The following CA10 variants were observed in gnomAD, a reference collection of about 807,000 sequenced individuals.
CA10 encodes the protein carbonic anhydrase 10 (inactive), also known as carbonic anhydrase-related protein 10.
In CA10, 14 loss-of-function variants were observed where a neutral mutation model predicts 44.2. The ratio of observed to expected loss-of-function variants is 0.32; its 90% confidence interval spans 0.21 to 0.50. The LOEUF (loss-of-function observed/expected upper bound fraction) is 0.50, where lower values mean the gene tolerates loss of function less well. Among genes scored for constraint, CA10 ranks in the 20% least tolerant of loss-of-function variants. CA10 has a pLI of 0.99. For missense variants in CA10, 350 were observed against 409.7 expected, an observed-to-expected ratio of 0.85 and a Z score of 1.26; for synonymous variants, 159 against 141.6, an observed-to-expected ratio of 1.12 and a Z score of -0.87.
intron 1 of CA10, among the ~76,000 whole-genome samples, chr17:52,100,471 G>C (rs1988512296): frequency 6.6e-6 from 1 of 152,058 alleles, no homozygotes; most frequent in Non-Finnish European, 1.5e-5. Context: ...ACACCTAGTG[G>C]GACCCCACAA....
intron 2 of CA10, among the ~76,000 whole-genome samples, chr17:52,034,657 GCGTGACAC>G (rs1460216272): frequency 4.6e-5 from 7 of 152,180 alleles, no homozygotes; most frequent in Middle Eastern, 6.8e-3. Context: ...CTTCACCAGT[GCGTGACAC>G]CTTGGGAGAA....
intron 3 of CA10, among the ~76,000 whole-genome samples, chr17:51,830,196 AAAAAAAAAAAAAAAAAAAAAG>A (rs1239855772): frequency 9.1e-6 from 1 of 110,228 alleles, no homozygotes; most frequent in Non-Finnish European, 1.8e-5. Flanking sequence ...ACTCCATCTC[AAAAAAAAAAAAAAAAAAAAAG>A]AAAAAGAAAA....
At chr17:52,098,465 A>T (rs2143237872) in intron 1 of CA10, among the ~76,000 whole-genome samples, 1 of 152,314 alleles carries the variant, frequency 6.6e-6, no homozygotes, top group East Asian at 1.9e-4. Flanking sequence ...ACCAACACCA[A>T]CATAATTCTG....
intron 2 of CA10, among the ~76,000 whole-genome samples, chr17:52,006,034 C>T (rs1470411176): frequency 6.6e-6 from 1 of 151,804 alleles, no homozygotes; most frequent in African/African-American, 2.4e-5. Context: ...CAACTTTTAT[C>T]CCATGTAATT....
intron 4 of CA10, among the ~76,000 whole-genome samples, chr17:51,684,700 C>A (rs886405764): frequency 6.6e-6 from 1 of 152,150 alleles, no homozygotes; most frequent in Non-Finnish European, 1.5e-5. Flanking sequence ...TTGGAAACTT[C>A]TTTATGCCTA....
At chr17:52,059,216 A>G (rs1435998476) in intron 2 of CA10, among the ~76,000 whole-genome samples, 1 of 152,192 alleles carries the variant, frequency 6.6e-6, no homozygotes, top group African/African-American at 2.4e-5. Context: ...TGAAATCAAT[A>G]TTCTATTCCT....
chr17:51,811,338 G>A (rs1287859605), intron 3 of CA10, among the ~76,000 whole-genome samples: 3 of 152,056 alleles, frequency 2.0e-5, no homozygotes, highest in African/African-American at 4.8e-5. Context: ...TGTGCACAAC[G>A]TGCAGGTTTG....
At chr17:51,934,747 C>T (rs528740771) in intron 2 of CA10, among the ~76,000 whole-genome samples, 1 of 152,208 alleles carries the variant, frequency 6.6e-6, no homozygotes, top group South Asian at 2.1e-4. Context: ...CTGGGGTCAG[C>T]TGCACCGGGC....
At chr17:51,740,284 G>C (rs1369545729) in intron 4 of CA10, among the ~76,000 whole-genome samples, 1 of 152,118 alleles carries the variant, frequency 6.6e-6, no homozygotes, top group Non-Finnish European at 1.5e-5. Flanking sequence ...GGAAAGACAG[G>C]ATCCTCTACT....
chr17:52,020,527 C>T (rs571112866), intron 2 of CA10, among the ~76,000 whole-genome samples: 1 of 151,884 alleles, frequency 6.6e-6, no homozygotes, highest in South Asian at 2.1e-4. Context: ...CATTTTTTGT[C>T]TAAAAATGTC....
intron 3 of CA10, among the ~76,000 whole-genome samples, chr17:51,781,319 A>G (rs1213785735): frequency 1.3e-5 from 2 of 152,230 alleles, no homozygotes; most frequent in Non-Finnish European, 2.9e-5. Context: ...AGTGTTGTAA[A>G]ATGTTGGCTG....
intron 3 of CA10, among the ~76,000 whole-genome samples, chr17:51,810,459 G>A (rs1331470520): frequency 6.6e-6 from 1 of 152,136 alleles, no homozygotes; most frequent in African/African-American, 2.4e-5. Flanking sequence ...AGCAAGTTCT[G>A]TATGGAATCA....
At chr17:51,703,612 A>G (rs745588478) in intron 4 of CA10, among the ~76,000 whole-genome samples, 14 of 152,100 alleles carry the variant, frequency 9.2e-5, no homozygotes, top group Non-Finnish European at 2.1e-4. Flanking sequence ...TACTGTTGAC[A>G]CTCAAGTAAT....
intron 3 of CA10, among the ~76,000 whole-genome samples, chr17:51,844,098 C>G (rs1978389800): frequency 1.3e-5 from 2 of 152,072 alleles, no homozygotes; most frequent in African/African-American, 4.8e-5. Context: ...TGTTGAAGAA[C>G]TGCTGGAATC....
chr17:51,682,916 C>T (rs1490537716), intron 4 of CA10, among the ~76,000 whole-genome samples: 17 of 152,096 alleles, frequency 1.1e-4, no homozygotes, highest in Admixed American at 1.1e-3. Flanking sequence ...TGGTTATTTC[C>T]CAAATTTGCC....
intron 3 of CA10, among the ~76,000 whole-genome samples, chr17:51,864,235 G>A (rs1323708150): frequency 2.6e-5 from 4 of 152,020 alleles, no homozygotes; most frequent in South Asian, 2.1e-4. Flanking sequence ...CCCAGGAACC[G>A]GGGAAAAAGG....
At position 51,811,862 on chromosome 17, in the gene CA10, A is replaced by C. The variant is rs150611620; in HGVS notation, c.280-64044T>G. Among the ~76,000 whole-genome samples the C allele has an allele frequency of 5.7e-3, 861 of 152,168 alleles. 9 individuals are homozygous for C. Among genetic ancestry groups the C allele is most frequent in the African/African-American group, 0.02 (815 of 41,496 alleles). ...AGCTGTGTAGATAAGATTTACTAGG[A>C]TATGCAATCTTAGAACTAGCCCCAT... is the stretch of plus-strand genomic sequence containing the variant. On this transcript the variant is annotated intron_variant, in intron 3 of 8. Coordinates refer to ENST00000451037, the MANE Select transcript of CA10 (RefSeq NM_020178.5).
At position 52,063,445 on chromosome 17, in the gene CA10, C is replaced by T. The variant is rs560361381; in HGVS notation, c.136+8874G>A. Among the ~76,000 whole-genome samples the T allele has an allele frequency of 9.9e-5, 15 of 152,250 alleles. No homozygotes were observed. In the South Asian group the frequency reaches 3.1e-3, roughly 32 times the overall value. ...AGTTTGAATATCTGACCCTTCAAACCTCATGTTGAAATTTGATTCGCAATG... is the reference window on the plus strand; with the variant it reads ...AGTTTGAATATCTGACCCTTCAAACTTCATGTTGAAATTTGATTCGCAATG... On this transcript the variant is annotated intron_variant, in intron 2 of 8. Transcript: ENST00000451037.
chr17:51,654,600 A>G (rs1390364901), intron 4 of CA10, among the ~76,000 whole-genome samples: 3 of 151,244 alleles, frequency 2.0e-5, no homozygotes, highest in Non-Finnish European at 1.5e-5. Flanking sequence ...TCTGTCACCC[A>G]GGCTGGAGTG....
Sources: allele counts gnomAD v4.1 joint callset (sites outside exome capture counted in the v4.1 genomes callset), GRCh38; gene constraint gnomAD v4.1.1; transcripts MANE v1.5; gene names NCBI Gene and HGNC (gene_info 2026-07-23, HGNC 2026-07-21).